ASTN2: variants seen among roughly 807,000 people sequenced by gnomAD.
ASTN2 encodes astrotactin-2.
Under a neutral mutation model 139.8 loss-of-function variants are expected in ASTN2, and 54 were observed. The observed-to-expected ratio is 0.39, with a 90% confidence interval of 0.31 to 0.48. The LOEUF is 0.48. Among genes scored for constraint, ASTN2 ranks in the 20% least tolerant of loss-of-function variants. ASTN2 has a pLI of 0.95. For missense variants in ASTN2, 1,565 were observed against 1,725.1 expected, an observed-to-expected ratio of 0.91 and a Z score of 1.64; for synonymous variants, 756 against 719.5, an observed-to-expected ratio of 1.05 and a Z score of -0.81.
chr9:117,178,567 C>T (rs1005580722), intron 3 of ASTN2, among the ~76,000 whole-genome samples: 5 of 152,166 alleles, frequency 3.3e-5, no homozygotes, highest in South Asian at 2.1e-4. Context: ...TGCTCCAGGG[C>T]AGGCAATGAA....
chr9:117,384,312 G>C (rs1175312676), intron 1 of ASTN2, among the ~76,000 whole-genome samples: 1 of 152,166 alleles, frequency 6.6e-6, no homozygotes, highest in Non-Finnish European at 1.5e-5. Context: ...TATTGGATGG[G>C]ATGTTGATTC....
At chr9:116,839,857 TTC>T (rs1215450240) in intron 11 of ASTN2, among the ~76,000 whole-genome samples, 97 of 101,580 alleles carry the variant, frequency 9.5e-4, no homozygotes, top group African/African-American at 3.3e-3. Flanking sequence ...TTTATTTTAT[TTC>T]ATTATTATTA....
intron 3 of ASTN2, chr9:117,181,288 C>A: frequency 2.3e-6 from 1 of 441,466 alleles, no homozygotes; most frequent in South Asian, 2.7e-5. Flanking sequence ...GAAACTGAAG[C>A]CCAGAGATGT....
intron 3 of ASTN2, among the ~76,000 whole-genome samples, chr9:117,193,871 G>A (rs1831417687): frequency 1.3e-5 from 2 of 152,150 alleles, no homozygotes; most frequent in African/African-American, 2.4e-5. Context: ...GAGTTCCCCA[G>A]GCTCTCTGAA....
chr9:117,060,667 G>C (rs940052804), intron 5 of ASTN2, among the ~76,000 whole-genome samples: 1 of 151,876 alleles, frequency 6.6e-6, no homozygotes, highest in African/African-American at 2.4e-5. Flanking sequence ...GCTGAGGTGG[G>C]CGGATCACGA....
chr9:116,833,541 A>ATAT (rs1212883586), intron 11 of ASTN2, among the ~76,000 whole-genome samples: 2 of 151,900 alleles, frequency 1.3e-5, no homozygotes, highest in Non-Finnish European at 2.9e-5. Flanking sequence ...TTCTCATTGA[A>ATAT]TATAAAGACA....
chr9:117,325,485 A>G (rs1828483979), intron 1 of ASTN2, among the ~76,000 whole-genome samples: 1 of 152,048 alleles, frequency 6.6e-6, no homozygotes, highest in East Asian at 1.9e-4. Flanking sequence ...GGAGCTGGAC[A>G]CCTGGGCTTG....
chr9:116,779,294 C>T (rs1830158917), intron 13 of ASTN2, among the ~76,000 whole-genome samples: 1 of 152,042 alleles, frequency 6.6e-6, no homozygotes, highest in Non-Finnish European at 1.5e-5. Context: ...GGGGTTTGGT[C>T]CCTTTTTTCC....
At chr9:117,045,488 C>G (rs1838707745) in intron 5 of ASTN2, among the ~76,000 whole-genome samples, 4 of 151,990 alleles carry the variant, frequency 2.6e-5, no homozygotes, top group Admixed American at 2.0e-4. Context: ...AATTTTCCTT[C>G]CATTTTCCCT....
chr9:116,510,752 C>T (rs971161683), intron 19 of ASTN2, among the ~76,000 whole-genome samples: 5 of 151,858 alleles, frequency 3.3e-5, no homozygotes, highest in African/African-American at 9.7e-5. Flanking sequence ...GTATTTTATT[C>T]TCTTTGAAGC....
chr9:116,838,118 T>TG lies in ASTN2; in HGVS notation c.2041-17336_2041-17335insC, dbSNP rs1564295719. On this transcript the variant is annotated intron_variant, in intron 11 of 22. Transcript: ENST00000313400. ...CTGGCTGTGTTTTTTTTTGTTTTGT[T>TG]TTGTTTTTTGAGACAGAGTCACGCT... Among the ~76,000 whole-genome samples, 156 of 138,988 alleles carry TG rather than the reference T, an allele frequency of 1.1e-3. 7 individuals are homozygous for TG. The East Asian group carries it at 0.024, about 21-fold the overall frequency. 91.2% of individuals were successfully genotyped at this position (138,988 alleles called of 152,430 possible). A position where few individuals can be genotyped will look rare whatever the true frequency, so the allele number is the denominator to read the frequency against.
chr9:117,012,767 C>T lies in ASTN2; in HGVS notation c.1424-4508G>A, dbSNP rs528780597. 4.9e-4 allele frequency among the ~76,000 whole-genome samples: 74 copies of T among 152,264 alleles called. No individual in the cohort carries two copies. The Middle Eastern group carries it at 0.01, about 21-fold the overall frequency. On this transcript the variant is annotated intron_variant, in intron 6 of 22. Transcript: ENST00000313400. ...AGTGGCCACCTGTGTGGCATTTACC[C>T]CTTAAGGCTAGACTCCATAACTGGC...
intron 7 of ASTN2, among the ~76,000 whole-genome samples, chr9:117,001,483 T>G (rs1325434324): frequency 6.6e-6 from 1 of 152,064 alleles, no homozygotes; most frequent in Admixed American, 6.6e-5. Flanking sequence ...CTTTGGATCC[T>G]TACCTTTTAA....
chr9:116,909,446 A>T (rs189345424), intron 10 of ASTN2, among the ~76,000 whole-genome samples: 1 of 152,360 alleles, frequency 6.6e-6, no homozygotes, highest in East Asian at 1.9e-4. Flanking sequence ...AATAGGATGC[A>T]TGTTGGTTCA....
At chr9:116,705,982 C>T (rs1554735135) in intron 16 of ASTN2, among the ~76,000 whole-genome samples, 1 of 151,190 alleles carries the variant, frequency 6.6e-6, no homozygotes, top group Non-Finnish European at 1.5e-5. Flanking sequence ...TCAAATGGTT[C>T]TTTTTTTTTC....
chr9:116,769,068 T>G (rs186247306), intron 13 of ASTN2, among the ~76,000 whole-genome samples: 1 of 152,082 alleles, frequency 6.6e-6, no homozygotes, highest in East Asian at 1.9e-4. Context: ...ACAACATACA[T>G]GGGATGCTCT....
At chr9:117,128,894 A>C (rs1264621994) in intron 4 of ASTN2, among the ~76,000 whole-genome samples, 2 of 152,166 alleles carry the variant, frequency 1.3e-5, no homozygotes, top group African/African-American at 4.8e-5. Context: ...AAAAGCGGAA[A>C]CCCCTGATAA....
At chr9:117,258,840 T>A (rs1394246059) in intron 2 of ASTN2, among the ~76,000 whole-genome samples, 2 of 152,098 alleles carry the variant, frequency 1.3e-5, no homozygotes, top group African/African-American at 2.4e-5. Flanking sequence ...CTCACCTGTA[T>A]TTTCCAGTGT....
intron 1 of ASTN2, among the ~76,000 whole-genome samples, chr9:117,388,169 A>G (rs1830449305): frequency 6.6e-6 from 1 of 152,218 alleles, no homozygotes; most frequent in Non-Finnish European, 1.5e-5. Context: ...GAAAACCACT[A>G]CCATTGTGCA....
Sources: allele counts gnomAD v4.1 joint callset (sites outside exome capture counted in the v4.1 genomes callset), GRCh38; gene constraint gnomAD v4.1.1; transcripts MANE v1.5; gene names NCBI Gene and HGNC (gene_info 2026-07-23, HGNC 2026-07-21).